USH2A: variants seen among roughly 807,000 people sequenced by gnomAD.
USH2A encodes the protein usherin, also known as Usher syndrome 2A (autosomal recessive, mild).
A neutral mutation model predicts 538.9 loss-of-function variants in USH2A; 443 were observed. The ratio of observed to expected loss-of-function variants is 0.82; its 90% confidence interval spans 0.76 to 0.89. The LOEUF (loss-of-function observed/expected upper bound fraction) is 0.89. Among genes scored for constraint, USH2A ranks in the 40% least tolerant of loss-of-function variants. The pLI is 0.00. For missense variants in USH2A, 6,633 were observed against 6,324.8 expected (o/e 1.05, Z -1.65); for synonymous variants, 2,413 against 2,273.5 (o/e 1.06, Z -1.75).
At chr1:215,997,414 A>G (rs1321704888) in intron 34 of USH2A, among the ~76,000 whole-genome samples, 1 of 152,130 alleles carries the variant, frequency 6.6e-6, no homozygotes, top group Non-Finnish European at 1.5e-5. Flanking sequence ...GACATTAAAC[A>G]TCATTTAGTT....
intron 69 of USH2A, among the ~76,000 whole-genome samples, chr1:215,635,996 A>T (rs1287754750): frequency 6.6e-6 from 1 of 152,008 alleles, no homozygotes; most frequent in Non-Finnish European, 1.5e-5. Context: ...GTGGCCAGAG[A>T]TCTGCTCCCA....
At chr1:215,741,266 T>C in intron 60 of USH2A, 109 bp downstream of exon 60, 1 of 1,329,592 alleles carries the variant, frequency 7.5e-7, no homozygotes, top group Admixed American at 1.8e-5. Context: ...AAACACAACA[T>C]GAATTCCCAT....
rs1558027186 is a variant in USH2A at position 215,627,377 on chromosome 1, CT to C, written c.15519+1436del. Among the ~76,000 whole-genome samples the C allele has an allele frequency of 4.0e-3, 581 of 145,854 alleles. 10 individuals carry two copies. The highest frequency in any genetic ancestry group is 6.3e-3 in the Non-Finnish European group (417 of 65,936). Reference sequence around the variant, plus strand: ...TTTCTTTCTCTCCCTCCCTCCCTCCCTTCCTTCTTTCCTTCCTTCCTTCCTT... The same window carrying C: ...TTTCTTTCTCTCCCTCCCTCCCTCCCTCCTTCTTTCCTTCCTTCCTTCCTT... On this transcript the variant is annotated intron_variant, in intron 71 of 71. Coordinates refer to ENST00000307340, the MANE Select transcript of USH2A (RefSeq NM_206933.4).
intron 21 of USH2A, among the ~76,000 whole-genome samples, chr1:216,124,086 C>T (rs1253487689): frequency 6.6e-6 from 1 of 152,112 alleles, no homozygotes; most frequent in Non-Finnish European, 1.5e-5. Context: ...GGCTGAATTG[C>T]TGATGCTCTG....
In USH2A at chr1:215,878,823, A is replaced by G. The variant is rs753719500; in HGVS notation, c.8499T>C (p.Ser2833=). 55 of 1,613,916 alleles carry G rather than the reference A, an allele frequency of 3.4e-5. No individual in the cohort carries two copies. The South Asian group carries it at 6.0e-4, about 18-fold the overall frequency. ...NVGPLSVIPL[S]ESYVVISWQP... is the part of the protein sequence containing the mutation. The stretch of plus-strand genomic sequence containing the variant: ...GCCAAGAAATCACAACATATGATTC[A>G]CTTAGTGGAATCACAGACAATGGGC... The change falls in exon 42 of 72, where the codon AGT becomes AGC. Residue 2833 remains serine, a synonymous_variant. Transcript: ENST00000307340.
At chr1:215,694,452 A>T (rs1658731958) in intron 61 of USH2A, among the ~76,000 whole-genome samples, 1 of 152,190 alleles carries the variant, frequency 6.6e-6, no homozygotes, top group South Asian at 2.1e-4. Flanking sequence ...GGGCACCTGT[A>T]GTCCCAGCTA....
intron 21 of USH2A, among the ~76,000 whole-genome samples, chr1:216,125,306 C>CAA (rs1285281730): frequency 2.0e-5 from 3 of 151,620 alleles, no homozygotes; most frequent in Non-Finnish European, 4.4e-5. Context: ...AAAACTCAAA[C>CAA]AATATGGGAC....
chr1:215,886,031 C>T (rs1459220616), intron 41 of USH2A, among the ~76,000 whole-genome samples: 1 of 152,136 alleles, frequency 6.6e-6, no homozygotes, highest in Non-Finnish European at 1.5e-5. Context: ...CTTCTGTGTC[C>T]CTACTGCCTA....
intron 21 of USH2A, among the ~76,000 whole-genome samples, chr1:216,113,138 A>C (rs1393640255): frequency 1.5e-4 from 1 of 6,582 alleles, no homozygotes; most frequent in Non-Finnish European, 2.8e-4. Flanking sequence ...TCCAAATGAT[A>C]AAAAAAAAAA....
intron 38 of USH2A, among the ~76,000 whole-genome samples, chr1:215,909,211 T>C (rs1665713213): frequency 6.6e-6 from 1 of 150,638 alleles, no homozygotes; most frequent in South Asian, 2.1e-4. Flanking sequence ...TTAAGAGGGG[T>C]GAGATGAAAG....
At position 216,274,375 on chromosome 1, in the gene USH2A, C is replaced by CA. The variant is rs533853125; in HGVS notation, c.1971+14904dup. Among the ~76,000 whole-genome samples, 60 of 152,148 alleles carry CA rather than the reference C, an allele frequency of 3.9e-4. No homozygotes were observed. The South Asian group carries it at 0.012, about 30-fold the overall frequency. On this transcript the variant is annotated intron_variant, in intron 11 of 71. Coordinates refer to ENST00000307340, the MANE Select transcript of USH2A (RefSeq NM_206933.4). The stretch of plus-strand genomic sequence containing the variant: ...ATTTGCAACACTGCCGGTGCTTACA[C>CA]AAAAAATCTATATCTATATTTATTT...
chr1:216,016,994 CCTT>C (rs1668727825), intron 32 of USH2A, among the ~76,000 whole-genome samples: 1 of 152,116 alleles, frequency 6.6e-6, no homozygotes. Context: ...ATGAAAAACT[CCTT>C]AGGCTGACAG....
chr1:216,116,619 T>C (rs1265053236), intron 21 of USH2A, among the ~76,000 whole-genome samples: 1 of 152,046 alleles, frequency 6.6e-6, no homozygotes, highest in Non-Finnish European at 1.5e-5. Flanking sequence ...GTCCCAGAAA[T>C]GGAATGAAAG....
In USH2A at chr1:216,058,124, G is replaced by GCCT. The variant is rs1344498937; in HGVS notation, c.6050-9478_6050-9477insAGG. 4.0e-5 allele frequency among the ~76,000 whole-genome samples: 6 copies of GCCT among 151,620 alleles called. 1 individual carries two copies. Among genetic ancestry groups the GCCT allele is most frequent in the African/African-American group, 1.5e-4 (6 of 41,024 alleles). On this transcript the variant is annotated intron_variant, in intron 30 of 71. Transcript: ENST00000307340. ...TCAAGCAGTCATCTTGAACTATGAGGTAGAAGCCTTGTCCATAAGGATGAC... is the reference window on the plus strand; with the variant it reads ...TCAAGCAGTCATCTTGAACTATGAGGCCTTAGAAGCCTTGTCCATAAGGATGAC...
intron 45 of USH2A, among the ~76,000 whole-genome samples, chr1:215,844,773 A>T (rs2102822147): frequency 6.6e-6 from 1 of 152,314 alleles, no homozygotes; most frequent in African/African-American, 2.4e-5. Flanking sequence ...TTATTCACCC[A>T]TCTGCACCAC....
At chr1:215,727,724 C>CAA (rs35895995) in intron 61 of USH2A, among the ~76,000 whole-genome samples, 1 of 147,324 alleles carries the variant, frequency 6.8e-6, no homozygotes, top group South Asian at 2.2e-4. Context: ...GAGCCTGTCT[C>CAA]AAAAAAAAAA....
At chr1:216,266,184 A>T (rs12129284) in intron 11 of USH2A, among the ~76,000 whole-genome samples, 85,431 of 151,718 alleles carry the variant, frequency 0.56, 25,657 homozygotes, top group East Asian at 0.72. Context: ...TATAAATATT[A>T]TGTGTTGATT....
intron 56 of USH2A, 122 bp from the exon 57 acceptor site, chr1:215,759,965 G>A (rs1660932675): frequency 9.2e-7 from 1 of 1,084,122 alleles, no homozygotes; most frequent in Non-Finnish European, 1.4e-6. Context: ...ATATCTAACT[G>A]TATGGAACAA....
At chr1:215,784,637 C>T (rs931531529) in intron 52 of USH2A, among the ~76,000 whole-genome samples, 8 of 152,128 alleles carry the variant, frequency 5.3e-5, no homozygotes, top group Non-Finnish European at 1.0e-4. Flanking sequence ...GTATTGTCAG[C>T]TTTCAAGTGT....
Sources: gnomAD v4.1 joint callset for allele counts (sites outside exome capture counted in the v4.1 genomes callset) on GRCh38, gnomAD v4.1.1 for gene constraint, MANE v1.5 for transcripts, NCBI Gene and HGNC (gene_info 2026-07-23, HGNC 2026-07-21) for gene names.